Variants in BBOF1 observed in about 807,000 individuals in gnomAD.
The protein encoded by BBOF1 is basal body orientation factor 1, also known as basal body-orientation factor 1.
BBOF1 carries 62 observed loss-of-function variants against 68.0 expected under a neutral mutation model. That is an observed-to-expected ratio of 0.91 (90% CI 0.74 to 1.13). The LOEUF (loss-of-function observed/expected upper bound fraction) is 1.13, where lower values mean the gene tolerates loss of function less well. Ranked by LOEUF, BBOF1 falls within the 50% of genes most tolerant of loss-of-function variation. BBOF1 has a pLI of 0.00. For missense variants in BBOF1, 534 were observed against 600.1 expected, an observed-to-expected ratio of 0.89 and a Z score of 1.15; for synonymous variants, 208 against 198.8, an observed-to-expected ratio of 1.05 and a Z score of -0.39.
At chr14:74,067,483 A>G (rs753490626), downstream of BBOF1, 9 of 1,614,240 alleles carry the variant, frequency 5.6e-6, no homozygotes, top group Non-Finnish European at 7.6e-6. Context: ...AGCGCTGACC[A>G]GCAGCTCCAA....
chr14:74,019,638 C>G, intron 1 of BBOF1, 104 bp downstream of exon 1: 4 of 1,508,848 alleles, frequency 2.7e-6, no homozygotes, highest in Non-Finnish European at 3.6e-6. Flanking sequence ...CTCGGACCCT[C>G]TCCCCGGCTC....
In BBOF1 at chr14:74,065,264, T is replaced by A. The variant is rs2060442838; in HGVS notation, c.*565T>A. ...ATGGCAGTTCCATTTCCATATGGGT[T>A]GTTATTTACAATCTGGATGGCTTCA... On this transcript the variant is annotated 3_prime_UTR_variant, in exon 12 of 12. Coordinates refer to ENST00000394009, the MANE Select transcript of BBOF1 (RefSeq NM_025057.3). The A allele has an allele frequency of 6.2e-7, 1 of 1,614,180 alleles. No individual in the cohort carries two copies. Among genetic ancestry groups the A allele is most frequent in the Non-Finnish European group, 8.5e-7 (1 of 1,180,024 alleles).
intron 9 of BBOF1, among the ~76,000 whole-genome samples, chr14:74,074,725 A>G (rs1294022299): frequency 6.6e-6 from 1 of 152,192 alleles, no homozygotes; most frequent in Non-Finnish European, 1.5e-5. Flanking sequence ...TCTAAAGGTC[A>G]TTAAGAAGAA....
chr14:74,075,062 G>A (rs1038499038), intron 9 of BBOF1: 8 of 1,591,004 alleles, frequency 5.0e-6, no homozygotes, highest in Non-Finnish European at 6.9e-6. Flanking sequence ...AGAGCAGAAA[G>A]TTATTTAAAA....
intron 8 of BBOF1, 79 bp downstream of exon 8, chr14:74,050,274 G>GTT (rs2060037852): frequency 2.7e-6 from 4 of 1,463,350 alleles, no homozygotes; most frequent in Non-Finnish European, 3.7e-6. Flanking sequence ...GAAAAGTTTA[G>GTT]TTTTATAATA....
chr14:74,055,050 T>G (rs2060158461), intron 8 of BBOF1: 2 of 152,968 alleles, frequency 1.3e-5, no homozygotes, highest in African/African-American at 4.8e-5. Flanking sequence ...GTCATTTTCA[T>G]CTTTATGATA....
Position 74,037,265 on chromosome 14 carries a change from G to T in BBOF1, c.495+3094G>T, listed in dbSNP as rs28378227. Among the ~76,000 whole-genome samples, 405 of 132,468 alleles carry T rather than the reference G, an allele frequency of 3.1e-3. 1 individual carries two copies. Among genetic ancestry groups the T allele is most frequent in the African/African-American group, 0.011 (383 of 35,548 alleles). The allele number at this position is 132,468 out of a possible 152,430, so 86.9% of individuals were successfully genotyped here. A position where few individuals can be genotyped will look rare whatever the true frequency, so the allele number is the denominator to read the frequency against. On this transcript the variant is annotated intron_variant, in intron 4 of 11. Transcript: ENST00000394009. ...TGGGATTACAGGTGTGAACCACCAC[G>T]CCTGGCCTCTTTTTTTTTTTTTTTT...
chr14:74,063,866 A>C (rs1191586742), intron 11 of BBOF1, among the ~76,000 whole-genome samples: 1 of 33,848 alleles, frequency 3.0e-5, no homozygotes. Context: ...ACTCTGTCTC[A>C]AAAAAAAAAA....
intron 2 of BBOF1, 27 bp from the exon 3 acceptor site, chr14:74,029,157 A>G: frequency 6.9e-7 from 1 of 1,453,980 alleles, no homozygotes; most frequent in Non-Finnish European, 9.4e-7. Context: ...CTTTATCTTC[A>G]TGACCCTGTA....
downstream of BBOF1, among the ~76,000 whole-genome samples, chr14:74,066,460 T>G (rs1342692480): frequency 6.6e-6 from 1 of 152,142 alleles, no homozygotes. Flanking sequence ...AGACACTATA[T>G]CCCTGCAAAG....
intron 5 of BBOF1, among the ~76,000 whole-genome samples, chr14:74,045,438 A>C (rs2059927966): frequency 6.6e-6 from 1 of 151,798 alleles, no homozygotes; most frequent in Admixed American, 6.6e-5. Context: ...GCCTACCGAG[A>C]AGCTGGGATT....
chr14:74,037,878 C>A (rs1242101996), intron 4 of BBOF1, among the ~76,000 whole-genome samples: 1 of 151,580 alleles, frequency 6.6e-6, no homozygotes, highest in African/African-American at 2.4e-5. Flanking sequence ...TCGCTTGAAC[C>A]TGGGAGGCGG....
intron 9 of BBOF1, among the ~76,000 whole-genome samples, chr14:74,073,704 G>T (rs2060578959): frequency 6.6e-6 from 1 of 151,952 alleles, no homozygotes; most frequent in Admixed American, 6.6e-5. Context: ...ATCAGTTGAA[G>T]TCAGGAGTTC....
chr14:74,075,093 T>TAGTA, intron 9 of BBOF1: 5 of 1,284,600 alleles, frequency 3.9e-6, no homozygotes, highest in Non-Finnish European at 5.6e-6. Flanking sequence ...AGCTACTATA[T>TAGTA]GCTATTTGCT....
intron 1 of BBOF1, among the ~76,000 whole-genome samples, chr14:74,022,711 CT>C (rs1012627030): frequency 2.0e-5 from 3 of 151,326 alleles, no homozygotes; most frequent in Admixed American, 1.3e-4. Flanking sequence ...ATATGTATTT[CT>C]TTTTTTTTCT....
chr14:74,069,533 C>G (rs2060520255), downstream of BBOF1, among the ~76,000 whole-genome samples: 1 of 151,668 alleles, frequency 6.6e-6, no homozygotes. Context: ...GGTGGATCAC[C>G]TGAGGTCAGG....
intron 1 of BBOF1, among the ~76,000 whole-genome samples, chr14:74,019,749 C>T (rs2059214077): frequency 1.3e-5 from 2 of 152,218 alleles, no homozygotes; most frequent in African/African-American, 4.8e-5. Flanking sequence ...TAAAGTAGTT[C>T]CTTGGGCCTT....
At chr14:74,068,536 C>T (rs930106037), downstream of BBOF1, among the ~76,000 whole-genome samples, 8 of 152,108 alleles carry the variant, frequency 5.3e-5, no homozygotes, top group South Asian at 1.2e-3. Flanking sequence ...GTCAGGAGAT[C>T]GAAACCATCC....
chr14:74,082,467 T>C (rs2060679907), intron 12 of BBOF1, among the ~76,000 whole-genome samples: 1 of 137,986 alleles, frequency 7.2e-6, no homozygotes, highest in Non-Finnish European at 1.5e-5. Context: ...TGGCACGATC[T>C]CAGCTCACTG....
Sources: allele counts gnomAD v4.1 joint callset (sites outside exome capture counted in the v4.1 genomes callset), GRCh38; gene constraint gnomAD v4.1.1; transcripts MANE v1.5; gene names NCBI Gene and HGNC (gene_info 2026-07-23, HGNC 2026-07-21).